CFAP47: variants seen among roughly 807,000 people sequenced by gnomAD.
The protein encoded by CFAP47 is cilia and flagella associated protein 47, also known as cilia- and flagella-associated protein 47.
In CFAP47, 29 loss-of-function variants were observed where a neutral mutation model predicts 148.1. That is an observed-to-expected ratio of 0.20 (90% CI 0.15 to 0.27). CFAP47 has a LOEUF of 0.27. Among genes scored for constraint, CFAP47 ranks in the 10% least tolerant of loss-of-function variants. The pLI is 1.00. For missense variants in CFAP47, 1,872 were observed against 1,697.5 expected (o/e 1.10, Z -1.81); for synonymous variants, 664 against 577.3 (o/e 1.15, Z -2.15).
At chrX:36,374,425 C>G (rs1334027055) in intron 62 of CFAP47, among the ~76,000 whole-genome samples, 1 of 110,627 alleles carries the variant, frequency 9.0e-6, no homozygotes, top group African/African-American at 3.3e-5. Flanking sequence ...TTGGAGTATT[C>G]TCTCTTGTTA....
At chrX:36,115,790 ATTCCTG>A (rs1224228991) in intron 33 of CFAP47, among the ~76,000 whole-genome samples, 7 of 111,894 alleles carry the variant, frequency 6.3e-5, no homozygotes. Context: ...TTTCCATAGC[ATTCCTG>A]TGCACTGAAA....
chrX:36,272,920 A>G (rs1556002089), intron 49 of CFAP47, among the ~76,000 whole-genome samples: 1 of 111,163 alleles, frequency 9.0e-6, no homozygotes, highest in Admixed American at 9.6e-5. Flanking sequence ...AGCACAATTT[A>G]ATTTATAATT....
intron 44 of CFAP47, among the ~76,000 whole-genome samples, chrX:36,203,603 A>G (rs781786704): frequency 8.9e-6 from 1 of 112,025 alleles, no homozygotes; most frequent in East Asian, 2.8e-4. Flanking sequence ...GAAATCCTAG[A>G]ATCTTAAGAA....
chrX:36,173,989 T>C (rs1485115357), intron 39 of CFAP47, among the ~76,000 whole-genome samples: 1 of 110,699 alleles, frequency 9.0e-6, no homozygotes, highest in Non-Finnish European at 1.9e-5. Context: ...TGCACCTGTA[T>C]TGGGTGCATA....
rs1555989495 is a variant in CFAP47, at chrX:36,211,470, C to T, written c.6817+6360C>T. 1.1e-5 allele frequency: 3 copies of T among 277,484 alleles called. No homozygotes were observed. In the Admixed American group the frequency reaches 1.2e-4, roughly 11 times the overall value. The allele number at this position is 277,484 out of a possible 1,213,427, so 22.9% of individuals were successfully genotyped here. A position where few individuals can be genotyped will look rare whatever the true frequency, so the allele number is the denominator to read the frequency against. ...AAAAACCAAAGGAGAACATCCTGTC[C>T]AGTCCACTAGTGATATTGTAAAGAA... On this transcript the variant is annotated intron_variant, in intron 45 of 63. Transcript: ENST00000378653.
At chrX:36,236,463 C>T (rs1016365707) in intron 47 of CFAP47, among the ~76,000 whole-genome samples, 2 of 112,090 alleles carry the variant, frequency 1.8e-5, no homozygotes, top group Non-Finnish European at 3.8e-5. Context: ...CCTATATACA[C>T]TCTGTAATTT....
At chrX:36,081,166 T>G (rs1296695771) in intron 29 of CFAP47, among the ~76,000 whole-genome samples, 2 of 111,197 alleles carry the variant, frequency 1.8e-5, no homozygotes, top group Non-Finnish European at 3.8e-5. Flanking sequence ...AAATGTGGCA[T>G]TACAACTGAT....
intron 39 of CFAP47, among the ~76,000 whole-genome samples, chrX:36,173,661 G>A (rs1939621487): frequency 8.9e-6 from 1 of 112,000 alleles, no homozygotes; most frequent in South Asian, 3.7e-4. Flanking sequence ...TGTGGTCTGG[G>A]AGACAGTTTG....
intron 50 of CFAP47, among the ~76,000 whole-genome samples, chrX:36,282,418 A>T (rs1556003800): frequency 9.0e-6 from 1 of 111,646 alleles, no homozygotes; most frequent in Non-Finnish European, 1.9e-5. Flanking sequence ...AGGCTAAAAA[A>T]GACTGATCTC....
At chrX:36,153,154 G>A (rs1939328897) in intron 37 of CFAP47, among the ~76,000 whole-genome samples, 1 of 111,580 alleles carries the variant, frequency 9.0e-6, no homozygotes, top group African/African-American at 3.3e-5. Flanking sequence ...GTGATTCTGT[G>A]AAATCAAATA....
At chrX:36,184,039 C>G (rs958692295) in intron 40 of CFAP47, among the ~76,000 whole-genome samples, 3 of 110,157 alleles carry the variant, frequency 2.7e-5, no homozygotes, top group Non-Finnish European at 5.7e-5. Flanking sequence ...CTCGAGGAAC[C>G]AATCATCAAG....
chrX:36,366,420 G>C (rs1941876913), intron 61 of CFAP47, among the ~76,000 whole-genome samples: 1 of 111,996 alleles, frequency 8.9e-6, no homozygotes, highest in Non-Finnish European at 1.9e-5. Context: ...TCTGCAAGGT[G>C]TATGTGGTCT....
chrX:36,191,495 A>G (rs782337524), intron 42 of CFAP47, among the ~76,000 whole-genome samples: 84 of 112,068 alleles, frequency 7.5e-4, no homozygotes, highest in African/African-American at 2.5e-3. Flanking sequence ...ACAATCTTGA[A>G]ATTATACTGC....
At chrX:36,371,736 ATATATG>A (rs1941950773) in intron 62 of CFAP47, among the ~76,000 whole-genome samples, 2 of 58,638 alleles carry the variant, frequency 3.4e-5, no homozygotes, top group Non-Finnish European at 3.0e-5. Flanking sequence ...ACATGTGTGT[ATATATG>A]TGTGTATATA....
At chrX:36,073,490 A>C (rs1937793678) in intron 29 of CFAP47, 126 bp downstream of exon 29, 1 of 445,045 alleles carries the variant, frequency 2.2e-6, no homozygotes, top group African/African-American at 2.5e-5. Flanking sequence ...TATATTATGA[A>C]GCATCTCATA....
At chrX:36,218,153 C>G (rs1555990371) in intron 45 of CFAP47, among the ~76,000 whole-genome samples, 1 of 112,007 alleles carries the variant, frequency 8.9e-6, no homozygotes. Flanking sequence ...ATATTTAATA[C>G]AGGACAATTA....
chrX:36,228,852 C>A, intron 46 of CFAP47, 28 bp downstream of exon 46: 1 of 508,353 alleles, frequency 2.0e-6, no homozygotes. Flanking sequence ...TGGTACCTTT[C>A]TTTATTCATA....
At chrX:36,329,339 G>T (rs782285143) in intron 57 of CFAP47, among the ~76,000 whole-genome samples, 1 of 110,951 alleles carries the variant, frequency 9.0e-6, no homozygotes, top group East Asian at 2.8e-4. Context: ...TCAAATTGAG[G>T]GATATTCTAT....
chrX:36,226,948 C>T (rs781850900), intron 45 of CFAP47, among the ~76,000 whole-genome samples: 22 of 110,818 alleles, frequency 2.0e-4, no homozygotes, highest in South Asian at 1.1e-3. Context: ...ATAAAATAAA[C>T]GTAAATTAAT....
Sources: gnomAD v4.1 joint callset for allele counts (sites outside exome capture counted in the v4.1 genomes callset) on GRCh38, gnomAD v4.1.1 for gene constraint, MANE v1.5 for transcripts, NCBI Gene and HGNC (gene_info 2026-07-23, HGNC 2026-07-21) for gene names.